NYAP2: variants seen among roughly 807,000 people sequenced by gnomAD.
NYAP2 encodes the protein neuronal tyrosine-phosphorylated phosphoinositide-3-kinase adapter 2.
Under a neutral mutation model 50.4 loss-of-function variants are expected in NYAP2, and 23 were observed. That is an observed-to-expected ratio of 0.46 (90% CI 0.33 to 0.65). The LOEUF (loss-of-function observed/expected upper bound fraction) is 0.65, where lower values mean the gene tolerates loss of function less well. NYAP2 is among the 30% of genes least tolerant of loss of function. The pLI, the probability that NYAP2 is intolerant of heterozygous loss-of-function variation, is 0.02. For missense variants in NYAP2, 885 were observed against 861.0 expected (o/e 1.03, Z -0.35); for synonymous variants, 394 against 365.2 (o/e 1.08, Z -0.90).
At chr2:225,645,280 A>G (rs906697609) in intron 6 of NYAP2, among the ~76,000 whole-genome samples, 23 of 151,982 alleles carry the variant, frequency 1.5e-4, no homozygotes, top group Middle Eastern at 3.2e-3. Context: ...TAACTAATAA[A>G]TTACATAGTC....
At chr2:225,608,088 A>G (rs1692820398) in intron 5 of NYAP2, among the ~76,000 whole-genome samples, 1 of 152,132 alleles carries the variant, frequency 6.6e-6, no homozygotes, top group South Asian at 2.1e-4. Flanking sequence ...CTTGTCATTG[A>G]ACAGTTGGTA....
At chr2:225,672,305 A>G in the NYAP2 span, among the ~76,000 whole-genome samples, 3 of 152,178 alleles carry the variant, frequency 2.0e-5, no homozygotes, top group Non-Finnish European at 4.4e-5. Flanking sequence ...CTTTTATGTT[A>G]TGAAAATGGC....
At chr2:225,612,795 TG>T (rs879410134) in intron 5 of NYAP2, among the ~76,000 whole-genome samples, 15,868 of 54,190 alleles carry the variant, frequency 0.29, 1,043 homozygotes, top group South Asian at 0.44. Flanking sequence ...GCCCCACCTT[TG>T]GACATCACAC....
intron 3 of NYAP2, among the ~76,000 whole-genome samples, chr2:225,492,002 C>T (rs1351309656): frequency 1.3e-5 from 2 of 152,074 alleles, no homozygotes; most frequent in African/African-American, 4.8e-5. Flanking sequence ...TGGTATGACC[C>T]AAGGGGTGTG....
chr2:225,477,234 T>TC (rs1440255476), intron 3 of NYAP2, among the ~76,000 whole-genome samples: 26 of 135,256 alleles, frequency 1.9e-4, no homozygotes, highest in Admixed American at 1.3e-3. Context: ...TCTATTTCTT[T>TC]TTTTTTTTTT....
At chr2:225,671,674 C>CT in the NYAP2 span, among the ~76,000 whole-genome samples, 72 of 151,998 alleles carry the variant, frequency 4.7e-4, no homozygotes, top group Non-Finnish European at 6.8e-4. Context: ...TTTTAAGTTA[C>CT]TTTTTTTTAC....
At chr2:225,627,254 C>G in intron 6 of NYAP2, 128 bp downstream of exon 6, 2 of 713,488 alleles carry the variant, frequency 2.8e-6, no homozygotes, top group Non-Finnish European at 4.9e-6. Flanking sequence ...CCACAAGTAA[C>G]CATTCACGTA....
chr2:225,544,757 G>A (rs1691541565), intron 4 of NYAP2, among the ~76,000 whole-genome samples: 1 of 152,004 alleles, frequency 6.6e-6, no homozygotes, highest in Admixed American at 6.6e-5. Flanking sequence ...GTTTTTCTAT[G>A]TGCTTACTAT....
At chr2:225,411,126 G>T (rs576657047) in intron 3 of NYAP2, among the ~76,000 whole-genome samples, 9 of 152,248 alleles carry the variant, frequency 5.9e-5, no homozygotes, top group Non-Finnish European at 1.3e-4. Flanking sequence ...GCAAAAGACA[G>T]AAGTACATCC....
chr2:225,559,297 A>G (rs1461089448), intron 4 of NYAP2, among the ~76,000 whole-genome samples: 1 of 151,880 alleles, frequency 6.6e-6, no homozygotes, highest in African/African-American at 2.4e-5. Flanking sequence ...CTCATTTATC[A>G]TGGAGAGGAT....
At chr2:225,524,307 C>G (rs957957390) in intron 4 of NYAP2, among the ~76,000 whole-genome samples, 1 of 152,172 alleles carries the variant, frequency 6.6e-6, no homozygotes, top group African/African-American at 2.4e-5. Flanking sequence ...CAGAAAGCAT[C>G]TAACATGGGA....
At position 225,582,055 on chromosome 2, in the gene NYAP2, A is replaced by T. The variant is rs774495824; in HGVS notation, c.638A>T (p.Lys213Ile). 1.2e-6 allele frequency: 2 copies of T among 1,613,906 alleles called. No individual in the cohort carries two copies. The highest frequency in any genetic ancestry group is 2.7e-5 in the African/African-American group (2 of 74,946). The change falls in exon 5 of 7, where the codon AAA becomes ATA. Residue 213 changes from lysine (K) to isoleucine (I), a missense_variant. Lys to Ile is a moderately radical substitution (Grantham distance 102, BLOSUM62 -3). Transcript: ENST00000636099. This position sits in a 1 kb window ranked among gnomAD's most constrained non-coding sequence, Gnocchi z 7.0. ...ACATCTTTCGATGAAACGTACATCAAAAAGCATGGGCCCCGGAGGACGTCG... is the reference window on the plus strand; with the variant it reads ...ACATCTTTCGATGAAACGTACATCATAAAGCATGGGCCCCGGAGGACGTCG...
At chr2:225,547,855 G>C (rs554411939) in intron 4 of NYAP2, among the ~76,000 whole-genome samples, 1 of 152,260 alleles carries the variant, frequency 6.6e-6, no homozygotes, top group African/African-American at 2.4e-5. Context: ...GTTCCCGTGG[G>C]GTTGGGGTGG....
chr2:225,611,735 G>A (rs1692888313), intron 5 of NYAP2, among the ~76,000 whole-genome samples: 1 of 151,896 alleles, frequency 6.6e-6, no homozygotes, highest in Admixed American at 6.6e-5. Context: ...TCAGGCAGAG[G>A]TCATGGTGTT....
chr2:225,476,528 T>G (rs1223390982), intron 3 of NYAP2, among the ~76,000 whole-genome samples: 1 of 152,224 alleles, frequency 6.6e-6, no homozygotes, highest in Non-Finnish European at 1.5e-5. Context: ...TAACAGGCTT[T>G]TAAAACAGAA....
intron 4 of NYAP2, among the ~76,000 whole-genome samples, chr2:225,545,035 C>A (rs1443220853): frequency 6.6e-6 from 1 of 152,104 alleles, no homozygotes; most frequent in African/African-American, 2.4e-5. Context: ...TATAAGATTT[C>A]AACTGAAACA....
chr2:225,530,506 C>T (rs530640985), intron 4 of NYAP2, among the ~76,000 whole-genome samples: 2 of 152,314 alleles, frequency 1.3e-5, no homozygotes, highest in Non-Finnish European at 2.9e-5. Flanking sequence ...AAATCCCATG[C>T]TCCTTGGCTT....
intron 4 of NYAP2, among the ~76,000 whole-genome samples, chr2:225,515,694 C>A (rs902048650): frequency 6.6e-6 from 1 of 152,138 alleles, no homozygotes; most frequent in Non-Finnish European, 1.5e-5. Context: ...TCATAGGTTT[C>A]CTTGATACAT....
intron 5 of NYAP2, among the ~76,000 whole-genome samples, chr2:225,593,028 T>G (rs1335577950): frequency 6.6e-6 from 1 of 152,256 alleles, no homozygotes; most frequent in Non-Finnish European, 1.5e-5. Context: ...TTTTCCCTCC[T>G]GTTCTGTTAC....
Sources: gnomAD v4.1 joint callset for allele counts (sites outside exome capture counted in the v4.1 genomes callset) on GRCh38, gnomAD v4.1.1 for gene constraint, Gnocchi (gnomAD v3.1) non-coding constraint, MANE v1.5 for transcripts, NCBI Gene and HGNC (gene_info 2026-07-23, HGNC 2026-07-21) for gene names.